DNAJB2: variants seen among roughly 807,000 people sequenced by gnomAD.
DNAJB2 encodes the protein DnaJ heat shock protein family (Hsp40) member B2, also known as dnaJ homolog subfamily B member 2.
In DNAJB2, 19 loss-of-function variants were observed where a neutral mutation model predicts 33.3. The observed-to-expected ratio is 0.57, with a 90% CI of 0.40 to 0.84. The LOEUF (loss-of-function observed/expected upper bound fraction) is 0.84. Among genes scored for constraint, DNAJB2 ranks in the 40% least tolerant of loss-of-function variants. The pLI, the probability that DNAJB2 is intolerant of heterozygous loss-of-function variation, is 0.00. For missense variants in DNAJB2, 368 were observed against 430.9 expected, an observed-to-expected ratio of 0.85 and a Z score of 1.29; for synonymous variants, 172 against 164.6, an observed-to-expected ratio of 1.04 and a Z score of -0.34.
At chr2:219,280,957 A>T in intron 3 of DNAJB2, 1 of 471,844 alleles carries the variant, frequency 2.1e-6, no homozygotes, top group South Asian at 2.8e-5. Context: ...GGTGGGTGTC[A>T]TCTCCATGAG....
intron 6 of DNAJB2, 21 bp from the exon 7 acceptor site, chr2:219,283,112 C>T (rs750489959): frequency 3.1e-6 from 5 of 1,613,690 alleles, no homozygotes; most frequent in Non-Finnish European, 4.2e-6. Context: ...CTCTCCTCCT[C>T]CTCCCTTGTC....
chr2:219,279,904 T>A lies in DNAJB2; in HGVS notation c.65+6T>A, dbSNP rs1228247983. On this transcript the variant is annotated splice_donor_region_variant and intron_variant, in intron 2 of 8. Transcript: ENST00000336576. This position sits in a 1 kb window ranked among gnomAD's most constrained non-coding sequence, Gnocchi z 4.9. ...GCTGATGACATCAAGAAGGCGTAAGTGCCTCCGTATGCAACAGAAGACCTC... is the reference window on the plus strand; with the variant it reads ...GCTGATGACATCAAGAAGGCGTAAGAGCCTCCGTATGCAACAGAAGACCTC... The A allele has an allele frequency of 3.1e-6, 5 of 1,613,682 alleles. No homozygotes were observed. Among genetic ancestry groups the A allele is most frequent in the Non-Finnish European group, 4.2e-6 (5 of 1,179,938 alleles).
intron 8 of DNAJB2, among the ~76,000 whole-genome samples, chr2:219,283,797 T>C (rs1951928800): frequency 6.6e-6 from 1 of 152,210 alleles, no homozygotes; most frequent in Non-Finnish European, 1.5e-5. Flanking sequence ...GCAGATGGTA[T>C]CCACTTAGTT....
intron 3 of DNAJB2, chr2:219,281,112 A>C (rs1161525341): frequency 5.1e-6 from 1 of 196,726 alleles, no homozygotes; most frequent in East Asian, 1.3e-4. Context: ...GATTCATTCG[A>C]AAAGTAATTC....
Position 219,285,656 on chromosome 2 carries a change from T to C in DNAJB2, c.*669T>C, listed in dbSNP as rs1469515811. Reference sequence around the variant, plus strand: ...TGCTGGGGCCGGTAGGGCTGTGAGATCTTCTGGGGAGGCTAGCCGGGTGGG... The same window carrying C: ...TGCTGGGGCCGGTAGGGCTGTGAGACCTTCTGGGGAGGCTAGCCGGGTGGG... On this transcript the variant is annotated 3_prime_UTR_variant, in exon 9 of 9. Coordinates refer to ENST00000336576, the MANE Select transcript of DNAJB2 (RefSeq NM_006736.6). 4 of 1,151,070 alleles carry C rather than the reference T, an allele frequency of 3.5e-6. No homozygotes were observed. Among genetic ancestry groups the C allele is most frequent in the Non-Finnish European group, 4.3e-6 (4 of 934,258 alleles). 71.3% of individuals were successfully genotyped at this position (1,151,070 alleles called of 1,614,324 possible). A position where few individuals can be genotyped will look rare whatever the true frequency, so the allele number is the denominator to read the frequency against.
In DNAJB2 at chr2:219,285,097, G is replaced by T; in HGVS notation, c.*110G>T. On this transcript the variant is annotated 3_prime_UTR_variant, in exon 9 of 9. Transcript: ENST00000336576. The stretch of plus-strand genomic sequence containing the variant: ...TGTAGGAACTGCTTTCCAACTCCAA[G>T]CTCCCTCCACAAGTTTCCCTCCCAG... 1 of 1,392,998 alleles carries T rather than the reference G, an allele frequency of 7.2e-7. No homozygotes were observed. The allele number at this position is 1,392,998 out of a possible 1,614,324, so 86.3% of individuals were successfully genotyped here.
At chr2:219,280,719 A>G in intron 3 of DNAJB2, 32 bp downstream of exon 3, 2 of 1,472,984 alleles carry the variant, frequency 1.4e-6, no homozygotes, top group Non-Finnish European at 1.9e-6. Context: ...GACCCAGCAC[A>G]TCACCCCCTA....
chr2:219,285,999 C>G lies in DNAJB2; in HGVS notation c.*1012C>G. 1 of 1,612,886 alleles carries G rather than the reference C, an allele frequency of 6.2e-7. No individual in the cohort carries two copies. The highest frequency in any genetic ancestry group is 8.5e-7 in the Non-Finnish European group (1 of 1,179,794). ...GCTCTCTCCCCAGATGTGTTCTGAG[C>G]TGGATGCCGGGTTCCAGAATCGCTG... On this transcript the variant is annotated 3_prime_UTR_variant, in exon 9 of 9. Coordinates refer to ENST00000336576, the MANE Select transcript of DNAJB2 (RefSeq NM_006736.6).
chr2:219,285,072 T>C lies in DNAJB2; in HGVS notation c.*85T>C. On this transcript the variant is annotated 3_prime_UTR_variant, in exon 9 of 9. Coordinates refer to ENST00000336576, the MANE Select transcript of DNAJB2 (RefSeq NM_006736.6). The stretch of plus-strand genomic sequence containing the variant: ...AAGAGAAGAGGGGAGTATCCTGAGT[T>C]GTAGGAACTGCTTTCCAACTCCAAG... 1 of 1,409,302 alleles carries C rather than the reference T, an allele frequency of 7.1e-7. No individual in the cohort carries two copies. Among genetic ancestry groups the C allele is most frequent in the Non-Finnish European group, 9.3e-7 (1 of 1,074,354 alleles). The allele number at this position is 1,409,302 out of a possible 1,614,324, so 87.3% of individuals were successfully genotyped here.
At position 219,285,953 on chromosome 2, in the gene DNAJB2, C is replaced by CT; in HGVS notation, c.*967dup. 6.2e-7 allele frequency: 1 copy of CT among 1,610,740 alleles called. No individual in the cohort carries two copies. Among genetic ancestry groups the CT allele is most frequent in the Admixed American group, 1.7e-5 (1 of 59,962 alleles). On this transcript the variant is annotated 3_prime_UTR_variant, in exon 9 of 9. Transcript: ENST00000336576. ...TCCTCCACAGCTTGCCGCTGACGCT[C>CT]TCTCCTGTCACCCCGCCCCTGCTCT...
intron 3 of DNAJB2, chr2:219,281,431 C>A: frequency 2.2e-6 from 1 of 451,040 alleles, no homozygotes. Context: ...TTCTATGTGT[C>A]AGGCACTGGT....
chr2:219,286,125 GGGTGGGGGCCGGGTGGGA>G lies in DNAJB2; in HGVS notation c.*1144_*1161del. The G allele has an allele frequency of 1.0e-6, 1 of 976,606 alleles. No individual in the cohort carries two copies. Among genetic ancestry groups the G allele is most frequent in the Non-Finnish European group, 1.5e-6 (1 of 672,492 alleles). The allele number at this position is 976,606 out of a possible 1,614,324, so 60.5% of individuals were successfully genotyped here. A position where few individuals can be genotyped will look rare whatever the true frequency, so the allele number is the denominator to read the frequency against. ...AGTGTAGAGCCGGGGCCTGGGTGGC[GGGTGGGGGCCGGGTGGGA>G]GGTGGCAGTAGTCTTAGCCTGTGCA... On this transcript the variant is annotated 3_prime_UTR_variant, in exon 9 of 9. Transcript: ENST00000336576.
chr2:219,286,258 TGGGGGAGG>T lies in DNAJB2; in HGVS notation c.*1272_*1279del. On this transcript the variant is annotated 3_prime_UTR_variant, in exon 9 of 9. Coordinates refer to ENST00000336576, the MANE Select transcript of DNAJB2 (RefSeq NM_006736.6). ...GGCCTCATTTCTGATAGATCCCGCT[TGGGGGAGG>T]TGGTGTATGGTTACGGAGCTGTGCA... is the stretch of plus-strand genomic sequence containing the variant. The T allele has an allele frequency of 6.1e-6, 3 of 495,690 alleles. No homozygotes were observed. The South Asian group carries it at 9.7e-5, about 16-fold the overall frequency. 30.7% of individuals were successfully genotyped at this position (495,690 alleles called of 1,614,324 possible).
At chr2:219,283,713 C>T (rs1205622666) in intron 8 of DNAJB2, among the ~76,000 whole-genome samples, 1 of 152,204 alleles carries the variant, frequency 6.6e-6, no homozygotes, top group Non-Finnish European at 1.5e-5. Flanking sequence ...TTGCAAAGCA[C>T]TTTACTATTT....
At chr2:219,283,061 CT>C in intron 6 of DNAJB2, 71 bp from the exon 7 acceptor site, 2 of 1,596,236 alleles carry the variant, frequency 1.3e-6, no homozygotes, top group Non-Finnish European at 1.7e-6. Context: ...GGCCTGGAGC[CT>C]CGGTGACCAC....
At chr2:219,280,518 C>T in intron 2 of DNAJB2, 60 bp from the exon 3 acceptor site, 3 of 1,398,118 alleles carry the variant, frequency 2.1e-6, no homozygotes, top group South Asian at 1.2e-5. Flanking sequence ...CGTTCGGTTC[C>T]TGGGTGGGAA....
chr2:219,284,682 C>G lies in DNAJB2; in HGVS notation c.670C>G (p.Gln224Glu). The change falls in exon 9 of 9, where the codon CAG (glutamine) becomes GAG (glutamate). Residue 224 changes from glutamine (Q) to glutamate (E), a missense_variant. Coordinates refer to ENST00000336576, the MANE Select transcript of DNAJB2 (RefSeq NM_006736.6). ...LGLELSRREQ[Q>E]PSVTSRSGGT... The stretch of plus-strand genomic sequence containing the variant: ...CTTGGAGCTGAGCCGTCGCGAGCAG[C>G]AGCCGTCAGTCACTTCCAGGTCTGG... 6.2e-7 allele frequency: 1 copy of G among 1,609,108 alleles called. No homozygotes were observed. Among genetic ancestry groups the G allele is most frequent in the Non-Finnish European group, 8.5e-7 (1 of 1,176,986 alleles).
In DNAJB2 at chr2:219,285,689, C is replaced by A. The variant is rs1951949197; in HGVS notation, c.*702C>A. On this transcript the variant is annotated 3_prime_UTR_variant, in exon 9 of 9. Coordinates refer to ENST00000336576, the MANE Select transcript of DNAJB2 (RefSeq NM_006736.6). Reference sequence around the variant, plus strand: ...GGAGGCTAGCCGGGTGGGGCGGGAGCCTCTCAGCTGTCCAGATTCAGAACT... The same window carrying A: ...GGAGGCTAGCCGGGTGGGGCGGGAGACTCTCAGCTGTCCAGATTCAGAACT... 8.5e-7 allele frequency: 1 copy of A among 1,183,156 alleles called. No individual in the cohort carries two copies. Among genetic ancestry groups the A allele is most frequent in the East Asian group, 3.9e-5 (1 of 25,948 alleles). 73.3% of individuals were successfully genotyped at this position (1,183,156 alleles called of 1,614,324 possible).
At position 219,286,600 on chromosome 2, in the gene DNAJB2, T is replaced by A. The variant is rs1024495144; in HGVS notation, c.*1613T>A. 1 of 152,686 alleles carries A rather than the reference T, an allele frequency of 6.5e-6. No individual in the cohort carries two copies. Among genetic ancestry groups the A allele is most frequent in the Non-Finnish European group, 1.5e-5 (1 of 68,408 alleles). 9.5% of individuals were successfully genotyped at this position (152,686 alleles called of 1,614,324 possible). ...GAGGAGTGTGGGCTGGCAGAGAGCT[T>A]CGAGGGCAAGGCCACCCGCGGGGGC... On this transcript the variant is annotated 3_prime_UTR_variant, in exon 9 of 9. Transcript: ENST00000336576.
Sources: gnomAD v4.1 joint callset for allele counts (sites outside exome capture counted in the v4.1 genomes callset) on GRCh38, gnomAD v4.1.1 for gene constraint, Gnocchi (gnomAD v3.1) non-coding constraint, MANE v1.5 for transcripts, NCBI Gene and HGNC (gene_info 2026-07-23, HGNC 2026-07-21) for gene names.